Variants in GNG12 observed in about 807,000 individuals in gnomAD.
GNG12 encodes guanine nucleotide-binding protein G(I)/G(S)/G(O) subunit gamma-12.
For synonymous variants in GNG12, 28 were observed against 29.7 expected (o/e 0.94, Z 0.19); for missense variants, 69 against 83.8 (o/e 0.82, Z 0.69).
intron 1 of GNG12, among the ~76,000 whole-genome samples, chr1:67,790,094 C>G (rs1646793131): frequency 1.4e-5 from 2 of 146,838 alleles, no homozygotes; most frequent in African/African-American, 5.5e-5. Context: ...AAAACAAAAA[C>G]AAAACACTCA....
intron 1 of GNG12, among the ~76,000 whole-genome samples, chr1:67,798,584 T>G (rs1458600434): frequency 6.6e-6 from 1 of 151,920 alleles, no homozygotes; most frequent in Non-Finnish European, 1.5e-5. Flanking sequence ...ACCCCTCCCC[T>G]TCCTCCTTCT....
chr1:67,794,637 T>C (rs748807623), intron 1 of GNG12, among the ~76,000 whole-genome samples: 10 of 152,186 alleles, frequency 6.6e-5, no homozygotes, highest in Non-Finnish European at 1.5e-4. Flanking sequence ...AGGGCCAAAT[T>C]AGTTCAGCTT....
At chr1:67,798,398 G>A (rs191038989) in intron 1 of GNG12, among the ~76,000 whole-genome samples, 15 of 152,272 alleles carry the variant, frequency 9.9e-5, no homozygotes, top group East Asian at 1.9e-4. Flanking sequence ...TGGAAAAACC[G>A]TCTTCCACGA....
chr1:67,715,636 A>G (rs1355954539), intron 2 of GNG12, among the ~76,000 whole-genome samples: 1 of 152,082 alleles, frequency 6.6e-6, no homozygotes, highest in Non-Finnish European at 1.5e-5. Context: ...CCCACTGGGC[A>G]CCCGTGGGCA....
chr1:67,719,169 G>T (rs1390064713), intron 2 of GNG12, among the ~76,000 whole-genome samples: 1 of 152,124 alleles, frequency 6.6e-6, no homozygotes, highest in African/African-American at 2.4e-5. Context: ...GGCTTCATGG[G>T]CTGTGTTTAA....
intron 1 of GNG12, among the ~76,000 whole-genome samples, chr1:67,809,261 G>C (rs1646910042): frequency 6.6e-6 from 1 of 152,114 alleles, no homozygotes; most frequent in East Asian, 1.9e-4. Flanking sequence ...TCTAGACACA[G>C]ACCTATAGCC....
At chr1:67,807,875 C>A (rs745908987) in intron 1 of GNG12, among the ~76,000 whole-genome samples, 3 of 152,110 alleles carry the variant, frequency 2.0e-5, no homozygotes, top group Non-Finnish European at 4.4e-5. Flanking sequence ...GTGAATTCTT[C>A]TAAACACTTA....
chr1:67,816,105 G>A (rs1340142643), intron 1 of GNG12, among the ~76,000 whole-genome samples: 1 of 152,248 alleles, frequency 6.6e-6, no homozygotes, highest in African/African-American at 2.4e-5. Flanking sequence ...GGCTGCGGAA[G>A]CTGCTAGAGC....
chr1:67,736,784 C>T (rs1198891696), intron 2 of GNG12, among the ~76,000 whole-genome samples: 22 of 152,232 alleles, frequency 1.4e-4, no homozygotes, highest in Admixed American at 1.4e-3. Context: ...GGGCTCCAGA[C>T]TGAACTCGGA....
At chr1:67,765,190 C>T (rs1029918448) in intron 2 of GNG12, among the ~76,000 whole-genome samples, 3 of 152,164 alleles carry the variant, frequency 2.0e-5, no homozygotes, top group Non-Finnish European at 4.4e-5. Flanking sequence ...TTTCTTTTCA[C>T]ATCCTTCTAA....
At chr1:67,728,532 T>C (rs568940983) in intron 2 of GNG12, among the ~76,000 whole-genome samples, 9 of 152,272 alleles carry the variant, frequency 5.9e-5, no homozygotes, top group Non-Finnish European at 8.8e-5. Flanking sequence ...TTGATACTTA[T>C]ATGTTATCAT....
chr1:67,780,105 A>G (rs552238081), intron 1 of GNG12, among the ~76,000 whole-genome samples: 2 of 152,336 alleles, frequency 1.3e-5, no homozygotes, highest in East Asian at 3.9e-4. Flanking sequence ...CATTATGCGC[A>G]TATGACTGTA....
At chr1:67,752,183 T>C (rs988452368) in intron 2 of GNG12, among the ~76,000 whole-genome samples, 6 of 152,192 alleles carry the variant, frequency 3.9e-5, no homozygotes, top group Non-Finnish European at 8.8e-5. Flanking sequence ...ATCTAACGTA[T>C]ACTCCTTCAC....
intron 2 of GNG12, among the ~76,000 whole-genome samples, chr1:67,740,401 A>G (rs1646476466): frequency 6.6e-6 from 1 of 152,254 alleles, no homozygotes; most frequent in South Asian, 2.1e-4. Context: ...ATAAAGTTGT[A>G]TGAGAACATA....
At chr1:67,743,080 G>A (rs770162882) in intron 2 of GNG12, among the ~76,000 whole-genome samples, 1 of 152,060 alleles carries the variant, frequency 6.6e-6, no homozygotes, top group Non-Finnish European at 1.5e-5. Flanking sequence ...GAAGAATAAA[G>A]GTTTCTTTTT....
intron 1 of GNG12, among the ~76,000 whole-genome samples, chr1:67,813,697 A>AC (rs2100812256): frequency 1.1e-5 from 1 of 90,592 alleles, no homozygotes; most frequent in African/African-American, 4.4e-5. Flanking sequence ...GAATAAAAAA[A>AC]AATGAACCTC....
At chr1:67,745,597 T>C (rs1557603289) in intron 2 of GNG12, among the ~76,000 whole-genome samples, 1 of 152,200 alleles carries the variant, frequency 6.6e-6, no homozygotes, top group Non-Finnish European at 1.5e-5. Context: ...GAAAATGGTG[T>C]CCGTCCCCTT....
intron 2 of GNG12, among the ~76,000 whole-genome samples, chr1:67,710,246 A>T (rs1285189094): frequency 8.1e-6 from 1 of 123,488 alleles, no homozygotes; most frequent in Non-Finnish European, 1.6e-5. Context: ...ATATATAGTT[A>T]TATATATATA....
intron 2 of GNG12, among the ~76,000 whole-genome samples, chr1:67,750,609 T>C (rs749579762): frequency 4.6e-5 from 7 of 152,230 alleles, no homozygotes; most frequent in Admixed American, 6.5e-5. Context: ...TTTTATATCA[T>C]TAGCCCCTAA....
Sources: gnomAD v4.1 joint callset for allele counts (sites outside exome capture counted in the v4.1 genomes callset) on GRCh38, gnomAD v4.1.1 for gene constraint, MANE v1.5 for transcripts, NCBI Gene and HGNC (gene_info 2026-07-23, HGNC 2026-07-21) for gene names.